Variants in OXNAD1 observed in about 807,000 individuals in gnomAD.
OXNAD1 encodes oxidoreductase NAD binding domain containing 1.
OXNAD1 carries 34 observed loss-of-function variants against 32.9 expected under a neutral mutation model. The observed-to-expected ratio is 1.03, with a 90% CI of 0.79 to 1.38. OXNAD1 has a LOEUF of 1.38. Ranked by LOEUF, OXNAD1 falls within the 40% of genes most tolerant of loss-of-function variation. The probability of loss-of-function intolerance (pLI) is 0.00; values close to 1 mark genes in which losing one functional copy is unlikely to be tolerated. For synonymous variants in OXNAD1, 134 were observed against 135.2 expected (o/e 0.99, Z 0.06); for missense variants, 407 against 379.4 (o/e 1.07, Z -0.60).
At chr3:16,351,078 G>T (rs1384206349), downstream of OXNAD1, among the ~76,000 whole-genome samples, 1 of 152,212 alleles carries the variant, frequency 6.6e-6, no homozygotes, top group Non-Finnish European at 1.5e-5. The surrounding 1 kb of genome is among the most constrained non-coding windows in gnomAD (Gnocchi z 5.4). Flanking sequence ...GGATTCACAG[G>T]ATTATGAGAC....
rs1004337039 is a variant in OXNAD1 at position 16,269,166 on chromosome 3, G to A, written c.-118G>A. ...TTTAATGCATGGAAAAGCTGTCCAT[G>A]TTCCAACTGCTGTACATCCAAAAGT... On this transcript the variant is annotated 5_prime_UTR_variant, in exon 2 of 9. It removes an upstream start codon present in the reference 5' UTR. Coordinates refer to ENST00000285083, the MANE Select transcript of OXNAD1 (RefSeq NM_138381.5). The A allele has an allele frequency of 5.9e-6, 9 of 1,512,696 alleles. No individual in the cohort carries two copies. The highest frequency in any genetic ancestry group is 7.9e-6 in the Non-Finnish European group (9 of 1,138,332). 93.7% of individuals were successfully genotyped at this position (1,512,696 alleles called of 1,614,324 possible).
exon 10 of OXNAD1, chr3:16,349,763 GAA>G (rs2071967749): frequency 2.0e-5 from 3 of 152,242 alleles, no homozygotes. Flanking sequence ...ATTCTCCTGA[GAA>G]AGAGAATCAG....
rs1353586868 is a variant in OXNAD1 at position 16,305,774 on chromosome 3, A to G, written c.*2212A>G. ...CTCATTTAAAATTACATACAACTAC[A>G]TGTAAAAGGGAGATGATACTGCTGC... On this transcript the variant is annotated 3_prime_UTR_variant, in exon 9 of 9. Transcript: ENST00000285083. This position sits in a 1 kb window ranked among gnomAD's most constrained non-coding sequence, Gnocchi z 4.5. The G allele has an allele frequency of 6.6e-6, 1 of 152,200 alleles. No homozygotes were observed. The highest frequency in any genetic ancestry group is 2.1e-4 in the South Asian group (1 of 4,824). The allele number at this position is 152,200 out of a possible 1,614,324, so 9.4% of individuals were successfully genotyped here. A position where few individuals can be genotyped will look rare whatever the true frequency, so the allele number is the denominator to read the frequency against.
chr3:16,319,078 C>T (rs1280443031), intron 9 of OXNAD1, among the ~76,000 whole-genome samples: 1 of 152,188 alleles, frequency 6.6e-6, no homozygotes, highest in African/African-American at 2.4e-5. Context: ...AACTGCTGCC[C>T]TGTGTTAGGC....
intron 9 of OXNAD1, chr3:16,313,785 A>C (rs1167107196): frequency 1.3e-5 from 2 of 152,146 alleles, no homozygotes; most frequent in Non-Finnish European, 2.9e-5. Context: ...CACTACACCA[A>C]GCCCAAAACA....
At chr3:16,326,582 G>A (rs1046598181) in intron 9 of OXNAD1, among the ~76,000 whole-genome samples, 1 of 152,194 alleles carries the variant, frequency 6.6e-6, no homozygotes, top group Non-Finnish European at 1.5e-5. Flanking sequence ...AGGGGTGCAG[G>A]GGAGTTCTCT....
rs2066324181 is a variant in OXNAD1, at chr3:16,290,017, G to A, written c.290+3569G>A. On this transcript the variant is annotated intron_variant, in intron 5 of 8. Transcript: ENST00000285083. The surrounding 1 kb of genome is among the most constrained non-coding windows in gnomAD (Gnocchi z 4.2). ...AGATGTTTGCATTAAGTGAATGAGT[G>A]AGGGGCTCTGAGAACTGTAGGCAAG... Among the ~76,000 whole-genome samples, 3 of 152,320 alleles carry A rather than the reference G, an allele frequency of 2.0e-5. No homozygotes were observed. The South Asian group carries it at 6.2e-4, about 32-fold the overall frequency.
chr3:16,328,342 G>A (rs1385162695), intron 9 of OXNAD1, among the ~76,000 whole-genome samples: 3 of 152,358 alleles, frequency 2.0e-5, no homozygotes, highest in Admixed American at 2.0e-4. Flanking sequence ...CCACTCAGAA[G>A]GTGGCCACGT....
In OXNAD1 at chr3:16,322,101, G is replaced by A. The variant is rs1283714855; in HGVS notation, c.*31-15011G>A. Among the ~76,000 whole-genome samples, 2 of 152,212 alleles carry A rather than the reference G, an allele frequency of 1.3e-5. No individual in the cohort carries two copies. Among genetic ancestry groups the A allele is most frequent in the Non-Finnish European group, 2.9e-5 (2 of 68,048 alleles). ...CACTTGCTGAATGCATGCAGTTCCC[G>A]TGAGCCTGTGGCTGAGCTGAAACTG... On this transcript the variant is annotated intron_variant, in intron 9 of 9. Coordinates refer to the OXNAD1 transcript ENST00000435829. The surrounding 1 kb of genome is among the most constrained non-coding windows in gnomAD (Gnocchi z 6.2).
chr3:16,271,141 G>A lies in OXNAD1; in HGVS notation c.119+70G>A. 6.4e-7 allele frequency: 1 copy of A among 1,554,566 alleles called. No homozygotes were observed. The highest frequency in any genetic ancestry group is 8.8e-7 in the Non-Finnish European group (1 of 1,140,680). The stretch of plus-strand genomic sequence containing the variant: ...GAGACCCGACCTGCTGATGGTTGTG[G>A]GAGGCATATCAAACTCCCGGAAAGG... On this transcript the variant is annotated intron_variant, in intron 3 of 8. Transcript: ENST00000285083. The surrounding 1 kb of genome is among the most constrained non-coding windows in gnomAD (Gnocchi z 4.6).
rs1003194263 is a variant in OXNAD1 at position 16,346,457 on chromosome 3, A to G, written c.*31-2719A>G. The G allele has an allele frequency of 9.9e-5, 15 of 152,208 alleles. 2 individuals are homozygous for G. Among genetic ancestry groups the G allele is most frequent in the East Asian group, 3.9e-4 (2 of 5,188 alleles). The allele number at this position is 152,208 out of a possible 1,614,324, so 9.4% of individuals were successfully genotyped here. ...AAATACTTCCTTTTGTCATCTCATT[A>G]TCCAAACCGTCAACAAGTCCAGTCT... On this transcript the variant is annotated intron_variant, in intron 9 of 9. Coordinates refer to the OXNAD1 transcript ENST00000606098. This position sits in a 1 kb window ranked among gnomAD's most constrained non-coding sequence, Gnocchi z 4.4.
rs1030318096 is a variant in OXNAD1 at position 16,320,336 on chromosome 3, G to A, written c.*30+16744G>A. 6.6e-6 allele frequency among the ~76,000 whole-genome samples: 1 copy of A among 152,194 alleles called. No homozygotes were observed. Among genetic ancestry groups the A allele is most frequent in the Non-Finnish European group, 1.5e-5 (1 of 68,036 alleles). On this transcript the variant is annotated intron_variant, in intron 9 of 9. Transcript: ENST00000435829. The surrounding 1 kb of genome is among the most constrained non-coding windows in gnomAD (Gnocchi z 4.5). ...CTATCCATGTTGCTGATTAAAAGAA[G>A]ACTAAATATGCCACATCCTCGGTGT...
chr3:16,286,345 G>A lies in OXNAD1; in HGVS notation c.187G>A (p.Val63Met). The stretch of plus-strand genomic sequence containing the variant: ...ACAGTTCATCTTTTGGTTTTAGATT[G>A]TGTCAGCAGCTAAGGTGTGTGGAGC... ...RTASVLRREIVSAAKVCGAAS... is the reference protein window; with the variant it reads ...RTASVLRREIMSAAKVCGAAS... The change falls in exon 5 of 9, where the codon GTG (valine) becomes ATG (methionine). Residue 63 changes from valine (V) to methionine (M), a missense_variant. Val to Met is a conservative substitution (Grantham distance 21). Coordinates refer to ENST00000285083, the MANE Select transcript of OXNAD1 (RefSeq NM_138381.5). 1 of 1,612,490 alleles carries A rather than the reference G, an allele frequency of 6.2e-7. No individual in the cohort carries two copies. The highest frequency in any genetic ancestry group is 8.5e-7 in the Non-Finnish European group (1 of 1,178,548).
In OXNAD1 at chr3:16,329,990, A is replaced by G. The variant is rs1010325403; in HGVS notation, c.*31-7122A>G. On this transcript the variant is annotated intron_variant, in intron 9 of 9. Transcript: ENST00000435829. The surrounding 1 kb of genome is among the most constrained non-coding windows in gnomAD (Gnocchi z 4.5). ...GACAGACTGCAAACCGGCTGCTTCT[A>G]TTTTGCTCCGTTTTATTTCATTTTG... Among the ~76,000 whole-genome samples, 3 of 152,228 alleles carry G rather than the reference A, an allele frequency of 2.0e-5. No individual in the cohort carries two copies. The highest frequency in any genetic ancestry group is 6.5e-5 in the Admixed American group (1 of 15,284).
At chr3:16,282,808 C>T (rs530438845) in intron 4 of OXNAD1, among the ~76,000 whole-genome samples, 1 of 122,354 alleles carries the variant, frequency 8.2e-6, no homozygotes, top group Non-Finnish European at 1.6e-5. Flanking sequence ...ATGAGTTAAA[C>T]GGGACTTTCA....
chr3:16,301,720 C>A lies in OXNAD1; in HGVS notation c.527C>A (p.Ala176Glu), dbSNP rs1559768131. ...GCCTCTAGAAACCTCGTGTTGATTGCAGGAGGAGTCGGAATTAACCCTCTG... is the reference window on the plus strand; with the variant it reads ...GCCTCTAGAAACCTCGTGTTGATTGAAGGAGGAGTCGGAATTAACCCTCTG... ...ADASRNLVLI[A>E]GGVGINPLLS... The change falls in exon 7 of 9, where the codon GCA becomes GAA. Residue 176 changes from alanine (A) to glutamate (E), a missense_variant. By Grantham distance (107) the Ala-to-Glu change is moderately radical (BLOSUM62 -1). Coordinates refer to ENST00000285083, the MANE Select transcript of OXNAD1 (RefSeq NM_138381.5). The surrounding 1 kb of genome is among the most constrained non-coding windows in gnomAD (Gnocchi z 4.1). 6.2e-7 allele frequency: 1 copy of A among 1,614,030 alleles called. No homozygotes were observed. Among genetic ancestry groups the A allele is most frequent in the Admixed American group, 1.7e-5 (1 of 59,998 alleles).
chr3:16,336,001 C>T lies in OXNAD1; in HGVS notation c.*31-1111C>T, dbSNP rs958471190. On this transcript the variant is annotated intron_variant, in intron 9 of 9. Coordinates refer to the OXNAD1 transcript ENST00000435829. The surrounding 1 kb of genome is among the most constrained non-coding windows in gnomAD (Gnocchi z 6.0). The stretch of plus-strand genomic sequence containing the variant: ...TCAGGGCTGCCTGGGCCCTGCTCAG[C>T]ACACGCTGGCTATAGCGGCACTCGA... Among the ~76,000 whole-genome samples, 1 of 152,182 alleles carries T rather than the reference C, an allele frequency of 6.6e-6. No homozygotes were observed. Among genetic ancestry groups the T allele is most frequent in the Non-Finnish European group, 1.5e-5 (1 of 68,028 alleles).
At chr3:16,328,455 G>T (rs1363230044) in intron 9 of OXNAD1, among the ~76,000 whole-genome samples, 4 of 152,222 alleles carry the variant, frequency 2.6e-5, no homozygotes, top group Non-Finnish European at 5.9e-5. Flanking sequence ...CAACCTACCT[G>T]CCCTGTCTCT....
At position 16,271,836 on chromosome 3, in the gene OXNAD1, A is replaced by G; in HGVS notation, c.183+114A>G. 1 of 901,792 alleles carries G rather than the reference A, an allele frequency of 1.1e-6. No individual in the cohort carries two copies. Among genetic ancestry groups the G allele is most frequent in the Non-Finnish European group, 1.7e-6 (1 of 596,746 alleles). The allele number at this position is 901,792 out of a possible 1,614,324, so 55.9% of individuals were successfully genotyped here. A position where few individuals can be genotyped will look rare whatever the true frequency, so the allele number is the denominator to read the frequency against. On this transcript the variant is annotated intron_variant, in intron 4 of 8. Coordinates refer to ENST00000285083, the MANE Select transcript of OXNAD1 (RefSeq NM_138381.5). The surrounding 1 kb of genome is among the most constrained non-coding windows in gnomAD (Gnocchi z 4.6). ...CTGGTCCTTTTGAAGGAGAGTTGGG[A>G]AGTTTGTTATTTTTCTATTTAGAAA...
Sources: gnomAD v4.1 joint callset for allele counts (sites outside exome capture counted in the v4.1 genomes callset) on GRCh38, gnomAD v4.1.1 for gene constraint, Gnocchi (gnomAD v3.1) non-coding constraint, MANE v1.5 for transcripts, NCBI Gene and HGNC (gene_info 2026-07-23, HGNC 2026-07-21) for gene names.